The following MMP8 variants were observed in gnomAD, a reference collection of about 807,000 sequenced individuals.
MMP8 encodes the protein neutrophil collagenase.
MMP8 carries 67 observed loss-of-function variants against 51.2 expected under a neutral mutation model. The observed-to-expected ratio is 1.31, with a 90% CI of 1.08 to 1.60. MMP8 has a LOEUF of 1.60. Ranked by LOEUF, MMP8 falls within the 40% of genes most tolerant of loss-of-function variation. The pLI, the probability that MMP8 is intolerant of heterozygous loss-of-function variation, is 0.00. For synonymous variants in MMP8, 225 were observed against 191.0 expected, an observed-to-expected ratio of 1.18 and a Z score of -1.47; for missense variants, 654 against 558.1, an observed-to-expected ratio of 1.17 and a Z score of -1.73.
At chr11:102,717,591 C>T (rs1254433661) in intron 5 of MMP8, among the ~76,000 whole-genome samples, 1 of 152,162 alleles carries the variant, frequency 6.6e-6, no homozygotes, top group East Asian at 1.9e-4. Flanking sequence ...CACTGCTGCA[C>T]ATCACTTCAT....
intron 9 of MMP8, 76 bp from the exon 10 acceptor site, chr11:102,713,533 C>G: frequency 8.0e-7 from 1 of 1,255,610 alleles, no homozygotes; most frequent in Non-Finnish European, 1.1e-6. Context: ...AAACCCTGCC[C>G]CTGTTCCAAC....
intron 1 of MMP8, 138 bp from the exon 2 acceptor site, chr11:102,722,811 G>T: frequency 9.7e-6 from 13 of 1,343,546 alleles, no homozygotes; most frequent in Non-Finnish European, 1.3e-5. Flanking sequence ...TTAATTTGTA[G>T]GTTGGCTTTG....
At chr11:102,713,948 TCA>T in intron 8 of MMP8, 91 bp from the exon 9 acceptor site, 1 of 781,026 alleles carries the variant, frequency 1.3e-6, no homozygotes, top group Non-Finnish European at 2.0e-6. Flanking sequence ...CAAAGTCTCC[TCA>T]CACATATTTT....
Position 102,718,565 on chromosome 11 carries a change from C to T in MMP8, c.633G>A (p.Leu211=). Residue 211 remains leucine (L), a synonymous_variant, in exon 5 of 10, where the codon TTG becomes TTA. Coordinates refer to ENST00000236826, the MANE Select transcript of MMP8 (RefSeq NM_002424.3). Reference sequence around the variant, plus strand: ...CAAATTCATGAGCAGCAACAAGAAACAAGTTGTAATCTGAAATGCAAACAC... The same window carrying T: ...CAAATTCATGAGCAGCAACAAGAAATAAGTTGTAATCTGAAATGCAAACAC... ...TWTNTSANYN[L]FLVAAHEFGH... is the part of the protein sequence containing the mutation. 6.2e-7 allele frequency: 1 copy of T among 1,613,840 alleles called. No homozygotes were observed. The highest frequency in any genetic ancestry group is 8.5e-7 in the Non-Finnish European group (1 of 1,179,832).
In MMP8 at chr11:102,713,734, G is replaced by A; in HGVS notation, c.1294+20C>T. Reference sequence around the variant, plus strand: ...AAACAAACAAACAACACATTTATTAGGTTTTTTTTTCCTACTTACGTTCTT... The same window carrying A: ...AAACAAACAAACAACACATTTATTAAGTTTTTTTTTCCTACTTACGTTCTT... On this transcript the variant is annotated intron_variant, in intron 9 of 9. Transcript: ENST00000236826. The A allele has an allele frequency of 1.4e-6, 2 of 1,427,608 alleles. No homozygotes were observed. The highest frequency in any genetic ancestry group is 1.9e-6 in the Non-Finnish European group (2 of 1,057,954). 88.4% of individuals were successfully genotyped at this position (1,427,608 alleles called of 1,614,324 possible).
rs770199029 is a variant in MMP8 at position 102,723,680 on chromosome 11, C to T, written c.103-1007G>A. ...CCAGTTCTGCAAGAGCCAGAACCCACTCCAGCAAAAATTAATCCAGTCACA... is the reference window on the plus strand; with the variant it reads ...CCAGTTCTGCAAGAGCCAGAACCCATTCCAGCAAAAATTAATCCAGTCACA... On this transcript the variant is annotated intron_variant, in intron 1 of 9. Transcript: ENST00000236826. 6.9e-5 allele frequency: 20 copies of T among 288,116 alleles called. 1 individual carries two copies. Among genetic ancestry groups the T allele is most frequent in the South Asian group, 6.0e-4 (20 of 33,174 alleles). The allele number at this position is 288,116 out of a possible 1,614,324, so 17.8% of individuals were successfully genotyped here.
chr11:102,721,812 G>C, intron 2 of MMP8, 50 bp from the exon 3 acceptor site: 1 of 1,591,674 alleles, frequency 6.3e-7, no homozygotes, highest in Non-Finnish European at 8.6e-7. Context: ...TAGAACAGTA[G>C]TCCATCAACT....
intron 1 of MMP8, chr11:102,723,124 G>A (rs1212383257): frequency 9.2e-7 from 1 of 1,084,546 alleles, no homozygotes; most frequent in African/African-American, 1.6e-5. Flanking sequence ...TTTTCCAAGT[G>A]ATGATTCAGA....
chr11:102,715,442 C>G lies in MMP8; in HGVS notation c.903-5G>C. The G allele has an allele frequency of 6.2e-7, 1 of 1,609,936 alleles. No individual in the cohort carries two copies. Among genetic ancestry groups the G allele is most frequent in the Non-Finnish European group, 8.5e-7 (1 of 1,178,232 alleles). ...GGATGCCTTCTCCAGAAGTACCTAA[C>G]GGAACATAAGGAAACACACACACAC... On this transcript the variant is annotated splice_region_variant and splice_polypyrimidine_tract_variant and intron_variant, in intron 6 of 9. Transcript: ENST00000236826.
At position 102,721,498 on chromosome 11, in the gene MMP8, T is replaced by C. The variant is rs764322248; in HGVS notation, c.525A>G (p.Gly175=). 13 of 1,613,762 alleles carry C rather than the reference T, an allele frequency of 8.1e-6. No homozygotes were observed. Among genetic ancestry groups the C allele is most frequent in the African/African-American group, 2.7e-5 (2 of 74,898 alleles). Residue 175 remains glycine, a synonymous_variant, in exon 4 of 10, where the codon GGA becomes GGG. Coordinates refer to ENST00000236826, the MANE Select transcript of MMP8 (RefSeq NM_002424.3). ...AGGCATGAGCAAGGATTCCATTGGG[T>C]CCATCAAATGGAGAATTGTCACCGT... ...RDHGDNSPFD[G]PNGILAHAFQ...
At chr11:102,717,742 G>T (rs1861341166) in intron 5 of MMP8, among the ~76,000 whole-genome samples, 1 of 152,182 alleles carries the variant, frequency 6.6e-6, no homozygotes, top group Middle Eastern at 3.2e-3. Context: ...ATCTACATGA[G>T]AATTTCTTTG....
chr11:102,722,057 T>C (rs1430902913), intron 2 of MMP8, among the ~76,000 whole-genome samples: 1 of 152,178 alleles, frequency 6.6e-6, no homozygotes, highest in Non-Finnish European at 1.5e-5. Context: ...ACTTGTCAAA[T>C]AGTAATAATA....
chr11:102,720,172 C>A (rs1467803141), intron 4 of MMP8, among the ~76,000 whole-genome samples: 1 of 152,168 alleles, frequency 6.6e-6, no homozygotes, highest in Non-Finnish European at 1.5e-5. Flanking sequence ...CAAGAGCCTT[C>A]AATACCAAGT....
At chr11:102,713,560 A>G in intron 9 of MMP8, 103 bp from the exon 10 acceptor site, 1 of 1,108,886 alleles carries the variant, frequency 9.0e-7, no homozygotes, top group Admixed American at 2.2e-5. Flanking sequence ...TTCAAATGCA[A>G]ACATGCTATT....
intron 5 of MMP8, among the ~76,000 whole-genome samples, chr11:102,717,160 T>C (rs1441631261): frequency 6.6e-6 from 1 of 152,164 alleles, no homozygotes; most frequent in Non-Finnish European, 1.5e-5. Context: ...TTCAATTATA[T>C]TTCACTCCAA....
Position 102,712,213 on chromosome 11 carries a change from G to A in MMP8, c.*1135C>T, listed in dbSNP as rs983426334. ...CAGGAAATAGAAGTAAAGAACTGAC[G>A]AACATCAGATCCAACTGGCCCATTT... On this transcript the variant is annotated 3_prime_UTR_variant, in exon 10 of 10. Transcript: ENST00000236826. 6.6e-6 allele frequency: 1 copy of A among 152,122 alleles called. No individual in the cohort carries two copies. The highest frequency in any genetic ancestry group is 1.5e-5 in the Non-Finnish European group (1 of 68,030). 9.4% of individuals were successfully genotyped at this position (152,122 alleles called of 1,614,324 possible).
chr11:102,720,552 C>G (rs1861438222), intron 4 of MMP8, among the ~76,000 whole-genome samples: 1 of 152,184 alleles, frequency 6.6e-6, no homozygotes, highest in Non-Finnish European at 1.5e-5. Flanking sequence ...AGGTGCCTTT[C>G]TGATTATTTT....
intron 4 of MMP8, among the ~76,000 whole-genome samples, chr11:102,720,594 A>C (rs1861439914): frequency 6.6e-6 from 1 of 152,152 alleles, no homozygotes; most frequent in Non-Finnish European, 1.5e-5. Context: ...TTGTTACCCC[A>C]TATTTTGTGA....
intron 1 of MMP8, among the ~76,000 whole-genome samples, chr11:102,724,119 T>C (rs369239320): frequency 6.6e-6 from 1 of 152,214 alleles, no homozygotes. Flanking sequence ...CTCCAAACTA[T>C]AATGCTAAGA....
Sources: allele counts gnomAD v4.1 joint callset (sites outside exome capture counted in the v4.1 genomes callset), GRCh38; gene constraint gnomAD v4.1.1; transcripts MANE v1.5; gene names NCBI Gene and HGNC (gene_info 2026-07-23, HGNC 2026-07-21).